MFN1: variants seen among roughly 807,000 people sequenced by gnomAD.
MFN1 encodes the protein mitofusin 1, also known as mitofusin-1.
MFN1 carries 65 observed loss-of-function variants against 92.4 expected under a neutral mutation model. The ratio of observed to expected loss-of-function variants is 0.70; its 90% CI spans 0.58 to 0.86. MFN1 has a LOEUF of 0.86. MFN1 is among the 40% of genes least tolerant of loss of function. The pLI is 0.00. For synonymous variants in MFN1, 297 were observed against 300.9 expected (o/e 0.99, Z 0.13); for missense variants, 781 against 868.0 (o/e 0.90, Z 1.26).
At chr3:179,368,859 G>T (rs1712909157) in intron 9 of MFN1, among the ~76,000 whole-genome samples, 2 of 152,166 alleles carry the variant, frequency 1.3e-5, no homozygotes, top group South Asian at 4.1e-4. Flanking sequence ...CTTCAGCATT[G>T]AAGAAACCTC....
At chr3:179,375,924 C>G (rs1713223351) in intron 10 of MFN1, among the ~76,000 whole-genome samples, 1 of 152,130 alleles carries the variant, frequency 6.6e-6, no homozygotes, top group Admixed American at 6.6e-5. Context: ...ATTATCGATA[C>G]AAAGTATAAT....
intron 6 of MFN1, 123 bp downstream of exon 6, chr3:179,364,528 T>A: frequency 1.4e-6 from 1 of 704,496 alleles, no homozygotes; most frequent in Non-Finnish European, 2.4e-6. Flanking sequence ...CAGGCATGAA[T>A]GAAGGGGTTT....
At chr3:179,378,866 T>C (rs765896687) in intron 14 of MFN1, 52 bp downstream of exon 14, 7 of 1,394,296 alleles carry the variant, frequency 5.0e-6, no homozygotes, top group Non-Finnish European at 6.0e-6. Context: ...ATTTTGTTTA[T>C]GTGGTTTTTC....
At chr3:179,391,580 C>G (rs1464083517) in intron 17 of MFN1, among the ~76,000 whole-genome samples, 1 of 152,148 alleles carries the variant, frequency 6.6e-6, no homozygotes, top group Non-Finnish European at 1.5e-5. Context: ...AGAGCCCACT[C>G]AATGAATATG....
Position 179,367,612 on chromosome 3 carries a change from T to G in MFN1, c.907+20T>G, listed in dbSNP as rs377283140. 2.7e-5 allele frequency: 43 copies of G among 1,573,310 alleles called. No homozygotes were observed. The highest frequency in any genetic ancestry group is 2.1e-5 in the Non-Finnish European group (25 of 1,164,764). ...AAAGTGGTATGCATTACCTATAGAT[T>G]TCCTGTTTAAATATAAAAATATTTA... On this transcript the variant is annotated intron_variant, in intron 8 of 17. Coordinates refer to ENST00000471841, the MANE Select transcript of MFN1 (RefSeq NM_033540.3).
At chr3:179,381,937 AG>A (rs1713483329) in intron 14 of MFN1, among the ~76,000 whole-genome samples, 1 of 152,378 alleles carries the variant, frequency 6.6e-6, no homozygotes, top group South Asian at 2.1e-4. Flanking sequence ...AGTATGCTTA[AG>A]GGAAAGCTTA....
At chr3:179,377,260 G>A (rs1220524456) in intron 11 of MFN1, 84 bp from the exon 12 acceptor site, 33 of 1,521,222 alleles carry the variant, frequency 2.2e-5, no homozygotes, top group Non-Finnish European at 2.7e-5. Context: ...TTAAAAGAAT[G>A]TTTTCAGATT....
intron 9 of MFN1, 74 bp from the exon 10 acceptor site, chr3:179,375,146 A>T: frequency 7.0e-7 from 1 of 1,434,990 alleles, no homozygotes; most frequent in African/African-American, 1.4e-5. Flanking sequence ...ACAAACAGCA[A>T]GTTTTTGTGT....
rs1560204015 is a variant in MFN1, at chr3:179,393,053, A to T, written c.*994A>T. The T allele has an allele frequency of 6.6e-6, 1 of 152,130 alleles. No individual in the cohort carries two copies. The highest frequency in any genetic ancestry group is 6.5e-5 in the Admixed American group (1 of 15,268). 9.4% of individuals were successfully genotyped at this position (152,130 alleles called of 1,614,324 possible). On this transcript the variant is annotated 3_prime_UTR_variant, in exon 18 of 18. Transcript: ENST00000471841. ...ATTATGCCTAGTGGAGGTTCTGTTG[A>T]CTTTCTTCCCCACTGTGGAAGAGGC...
chr3:179,377,622 A>G (rs562463485), intron 12 of MFN1, among the ~76,000 whole-genome samples, 174 bp downstream of exon 12: 6 of 152,328 alleles, frequency 3.9e-5, no homozygotes, highest in African/African-American at 1.2e-4. Context: ...TAGAAAATTT[A>G]TACTTAGAAT....
At chr3:179,358,150 GTTTTTTT>G (rs771740459) in intron 3 of MFN1, among the ~76,000 whole-genome samples, 1 of 119,716 alleles carries the variant, frequency 8.4e-6, no homozygotes. Flanking sequence ...CACTCATTTT[GTTTTTTT>G]TTTTTTTTTT....
rs1435158611 is a variant in MFN1, at chr3:179,393,811, T to C, written c.*1752T>C. ...TCATAATAGTTTGGTATCACCTCATTAGTATAGTACAGTGGTTCTCAAAGT... is the reference window on the plus strand; with the variant it reads ...TCATAATAGTTTGGTATCACCTCATCAGTATAGTACAGTGGTTCTCAAAGT... On this transcript the variant is annotated 3_prime_UTR_variant, in exon 18 of 18. Coordinates refer to ENST00000471841, the MANE Select transcript of MFN1 (RefSeq NM_033540.3). 1.3e-5 allele frequency: 2 copies of C among 152,206 alleles called. No individual in the cohort carries two copies. The highest frequency in any genetic ancestry group is 4.8e-5 in the African/African-American group (2 of 41,456). The allele number at this position is 152,206 out of a possible 1,614,324, so 9.4% of individuals were successfully genotyped here.
chr3:179,360,843 T>A (rs191052467), intron 4 of MFN1, among the ~76,000 whole-genome samples: 1 of 152,170 alleles, frequency 6.6e-6, no homozygotes, highest in Non-Finnish European at 1.5e-5. Flanking sequence ...AATGAGATGA[T>A]GTTTATGAAA....
rs1713846208 is a variant in MFN1 at position 179,390,115 on chromosome 3, A to G, written c.2124A>G (p.Ile708Met). ...AAGAAATAGATCAGTTGGAGAAAAT[A>G]CAAAACAATTCAAAGCTCTTAAGGT... Reference protein sequence around the residue: ...LPKEIDQLEKIQNNSKLLRNK... With the variant: ...LPKEIDQLEKMQNNSKLLRNK... Residue 708 changes from isoleucine (I) to methionine (M), a missense_variant, in exon 17 of 18, where the codon ATA (isoleucine) becomes ATG (methionine). By Grantham distance (10) the Ile-to-Met change is conservative. Transcript: ENST00000471841. 2.5e-6 allele frequency: 4 copies of G among 1,596,310 alleles called. No homozygotes were observed. The highest frequency in any genetic ancestry group is 3.4e-6 in the Non-Finnish European group (4 of 1,174,516).
intron 2 of MFN1, 137 bp from the exon 3 acceptor site, chr3:179,351,763 A>C: frequency 1.4e-6 from 1 of 730,334 alleles, no homozygotes. Flanking sequence ...CGGAGTATGC[A>C]CCTTTTACCA....
intron 1 of MFN1, chr3:179,348,207 T>G (rs554507540): frequency 6.6e-6 from 1 of 152,402 alleles, no homozygotes; most frequent in Non-Finnish European, 1.5e-5. Context: ...TTCTTGACTC[T>G]CTGGAAGAAT....
chr3:179,394,168 TA>T lies in MFN1; in HGVS notation c.*2114del, dbSNP rs1169807189. 6.6e-6 allele frequency: 1 copy of T among 152,134 alleles called. No individual in the cohort carries two copies. The highest frequency in any genetic ancestry group is 1.5e-5 in the Non-Finnish European group (1 of 68,042). 9.4% of individuals were successfully genotyped at this position (152,134 alleles called of 1,614,324 possible). ...CAGCTATAATCAACCTTCAAACTTA[TA>T]AAAAGTGTGGATCCTTGGGTCTGAA... On this transcript the variant is annotated 3_prime_UTR_variant, in exon 18 of 18. Coordinates refer to ENST00000471841, the MANE Select transcript of MFN1 (RefSeq NM_033540.3).
At chr3:179,389,134 G>A (rs534315682) in intron 16 of MFN1, among the ~76,000 whole-genome samples, 48 of 152,142 alleles carry the variant, frequency 3.2e-4, no homozygotes, top group Middle Eastern at 6.8e-3. Context: ...CAAATTTGAG[G>A]AATTTGTTCA....
chr3:179,370,392 C>CTTTTTT lies in MFN1; in HGVS notation c.975+2307_975+2312dup, dbSNP rs34938438. Among the ~76,000 whole-genome samples the CTTTTTT allele has an allele frequency of 2.4e-3, 212 of 88,066 alleles. 17 individuals are homozygous for CTTTTTT. The highest frequency in any genetic ancestry group is 0.017 in the Middle Eastern group (2 of 118). 57.8% of individuals were successfully genotyped at this position (88,066 alleles called of 152,430 possible). On this transcript the variant is annotated intron_variant, in intron 9 of 17. Coordinates refer to ENST00000471841, the MANE Select transcript of MFN1 (RefSeq NM_033540.3). The stretch of plus-strand genomic sequence containing the variant: ...TTTTTGGGGTTTCATTCACTAAGTT[C>CTTTTTT]TTTTTTTTTTTTTTTTTTTTTTTGA...
Sources: allele counts gnomAD v4.1 joint callset (sites outside exome capture counted in the v4.1 genomes callset), GRCh38; gene constraint gnomAD v4.1.1; transcripts MANE v1.5; gene names NCBI Gene and HGNC (gene_info 2026-07-23, HGNC 2026-07-21).